Variants in TXK observed in about 807,000 individuals in gnomAD.
TXK encodes tyrosine-protein kinase TXK.
TXK carries 60 observed loss-of-function variants against 81.0 expected under a neutral mutation model. The ratio of observed to expected loss-of-function variants is 0.74; its 90% CI spans 0.60 to 0.92. The LOEUF (loss-of-function observed/expected upper bound fraction) is 0.92, where lower values mean the gene tolerates loss of function less well. TXK is among the 40% of genes least tolerant of loss of function. The probability of loss-of-function intolerance (pLI) is 0.00; values close to 1 mark genes in which losing one functional copy is unlikely to be tolerated. For missense variants in TXK, 581 were observed against 638.3 expected, an observed-to-expected ratio of 0.91 and a Z score of 0.97; for synonymous variants, 203 against 210.7, an observed-to-expected ratio of 0.96 and a Z score of 0.32.
intron 5 of TXK, 51 bp from the exon 6 acceptor site, chr4:48,105,006 G>A (rs1366162302): frequency 7.6e-7 from 1 of 1,323,848 alleles, no homozygotes; most frequent in Admixed American, 2.2e-5. Context: ...ATTTTTTTAA[G>A]AAAAAAGTGC....
chr4:48,069,326 C>CT (rs376924565), intron 14 of TXK, among the ~76,000 whole-genome samples: 89 of 95,862 alleles, frequency 9.3e-4, no homozygotes, highest in African/African-American at 2.7e-3. Flanking sequence ...CTTTTCTTTT[C>CT]TTTTTTTTTT....
intron 14 of TXK, among the ~76,000 whole-genome samples, chr4:48,068,735 G>A (rs1348979262): frequency 6.6e-6 from 1 of 152,146 alleles, no homozygotes; most frequent in Non-Finnish European, 1.5e-5. Context: ...TTAAAACCAT[G>A]GGAAACAGAG....
Position 48,076,338 on chromosome 4 carries a change from T to C in TXK, c.1238+64A>G, listed in dbSNP as rs546194811. 176 of 1,221,430 alleles carry C rather than the reference T, an allele frequency of 1.4e-4. 1 individual carries two copies. The highest frequency in any genetic ancestry group is 1.4e-5 in the Non-Finnish European group (12 of 864,294). 75.7% of individuals were successfully genotyped at this position (1,221,430 alleles called of 1,614,324 possible). ...CATCTTCAGTTTATCAGTAAACAAA[T>C]GTAAGATTCCCTCTTATGAGTAAAC... On this transcript the variant is annotated intron_variant, in intron 12 of 14. Coordinates refer to ENST00000264316, the MANE Select transcript of TXK (RefSeq NM_003328.3).
intron 10 of TXK, among the ~76,000 whole-genome samples, chr4:48,080,997 T>A (rs146300351): frequency 6.3e-4 from 96 of 152,206 alleles, no homozygotes; most frequent in Middle Eastern, 3.4e-3. Context: ...ACACAATGTA[T>A]ATGAACGATT....
chr4:48,086,532 G>C lies in TXK; in HGVS notation c.890C>G (p.Ala297Gly). 6.2e-7 allele frequency: 1 copy of C among 1,614,090 alleles called. No individual in the cohort carries two copies. Among genetic ancestry groups the C allele is most frequent in the Non-Finnish European group, 8.5e-7 (1 of 1,179,986 alleles). ...GGAGCCTTCATTGATGGCCTTGATA[G>C]CTACCTGGATATGTGACCGCCATTC... Reference protein sequence around the residue: ...LGEWRSHIQVAIKAINEGSMS... With the variant: ...LGEWRSHIQVGIKAINEGSMS... Residue 297 changes from alanine to glycine, a missense_variant, in exon 10 of 15, where the codon GCT becomes GGT. By Grantham distance (60) the Ala-to-Gly change is moderately conservative. Coordinates refer to ENST00000264316, the MANE Select transcript of TXK (RefSeq NM_003328.3).
chr4:48,077,612 A>C (rs1717122544), intron 11 of TXK, among the ~76,000 whole-genome samples: 1 of 152,198 alleles, frequency 6.6e-6, no homozygotes, highest in African/African-American at 2.4e-5. Context: ...CGGAAAGACA[A>C]ACCTGCAGAG....
rs563991932 is a variant in TXK, at chr4:48,086,621, A to C, written c.801T>G (p.Asp267Glu). 7.4e-5 allele frequency: 119 copies of C among 1,613,982 alleles called. 2 individuals carry two copies. The South Asian group carries it at 1.2e-3, about 16-fold the overall frequency. The change falls in exon 10 of 15, where the codon GAT (aspartate) becomes GAG (glutamate). Residue 267 changes from aspartate (D) to glutamate (E), a missense_variant. Asp to Glu is a conservative substitution (Grantham distance 45). Transcript: ENST00000264316. ...CCTTTATAAAAGCCAACTCAGATGGATCTATCTCCCACTTTTCTGAAAAAG... is the reference window on the plus strand; with the variant it reads ...CCTTTATAAAAGCCAACTCAGATGGCTCTATCTCCCACTTTTCTGAAAAAG... ...AGFSYEKWEI[D>E]PSELAFIKEI...
chr4:48,084,629 G>C (rs1717439541), intron 10 of TXK, among the ~76,000 whole-genome samples: 1 of 152,176 alleles, frequency 6.6e-6, no homozygotes, highest in African/African-American at 2.4e-5. Context: ...GGAAGCAAAG[G>C]CAGATAGAGA....
At chr4:48,123,621 T>C (rs1006053649) in intron 1 of TXK, among the ~76,000 whole-genome samples, 1 of 152,234 alleles carries the variant, frequency 6.6e-6, no homozygotes, top group Admixed American at 6.5e-5. Flanking sequence ...ACAATGACTC[T>C]GTGAAGTAGA....
In TXK at chr4:48,112,523, C is replaced by G; in HGVS notation, c.175-11G>C. On this transcript the variant is annotated splice_polypyrimidine_tract_variant and intron_variant, in intron 3 of 14. Transcript: ENST00000264316. Reference sequence around the variant, plus strand: ...ACGGCCCGTGTTGGACTGTGAAAACCAATAAGTGAGTTGTTTTACTATCAT... The same window carrying G: ...ACGGCCCGTGTTGGACTGTGAAAACGAATAAGTGAGTTGTTTTACTATCAT... 1 of 1,589,670 alleles carries G rather than the reference C, an allele frequency of 6.3e-7. No homozygotes were observed. Among genetic ancestry groups the G allele is most frequent in the Non-Finnish European group, 8.6e-7 (1 of 1,169,418 alleles).
At chr4:48,114,263 G>T in intron 2 of TXK, 85 bp downstream of exon 2, 1 of 1,374,772 alleles carries the variant, frequency 7.3e-7, no homozygotes, top group Non-Finnish European at 1.0e-6. Context: ...AGAACAGCGG[G>T]TGCAAAGAGA....
Position 48,089,795 on chromosome 4 carries a change from C to G in TXK, c.739G>C (p.Gly247Arg), listed in dbSNP as rs552177311. Residue 247 changes from glycine (G) to arginine (R), a missense_variant, in exon 9 of 15, where the codon GGG becomes CGG. Gly to Arg is a moderately radical substitution (Grantham distance 125). Transcript: ENST00000264316. ...GCTGGTAAACAACTGCCCATCAGCC[C>G]AACTGGATATCGGAGACGAGTCATG... ...GLMTRLRYPV[G>R]LMGSCLPATA... is the part of the protein sequence containing the mutation. 69 of 1,613,472 alleles carry G rather than the reference C, an allele frequency of 4.3e-5. 2 individuals are homozygous for G. In the South Asian group the frequency reaches 7.5e-4, roughly 17 times the overall value.
chr4:48,131,642 T>C (rs940680931), intron 1 of TXK, among the ~76,000 whole-genome samples: 1 of 152,174 alleles, frequency 6.6e-6, no homozygotes, highest in Non-Finnish European at 1.5e-5. Flanking sequence ...CGAGATTTCA[T>C]CAAATCCATG....
chr4:48,083,658 T>C (rs1717395102), intron 10 of TXK, among the ~76,000 whole-genome samples: 2 of 152,224 alleles, frequency 1.3e-5, no homozygotes, highest in South Asian at 4.1e-4. Flanking sequence ...TGAGGATTCA[T>C]TAATTCATTC....
chr4:48,125,388 T>C (rs1363923008), intron 1 of TXK, among the ~76,000 whole-genome samples: 2 of 152,226 alleles, frequency 1.3e-5, no homozygotes, highest in Non-Finnish European at 2.9e-5. Flanking sequence ...GGTAACCAAA[T>C]AGGAGCAGGT....
chr4:48,120,341 T>G (rs948589792), intron 1 of TXK, among the ~76,000 whole-genome samples: 1 of 149,982 alleles, frequency 6.7e-6, no homozygotes, highest in Non-Finnish European at 1.5e-5. Context: ...TATATACACA[T>G]ATATACGTAT....
intron 1 of TXK, among the ~76,000 whole-genome samples, chr4:48,133,767 A>G (rs1022592210): frequency 6.6e-6 from 1 of 152,278 alleles, no homozygotes; most frequent in Non-Finnish European, 1.5e-5. Context: ...TTATATATAT[A>G]TAAAGTTGCC....
chr4:48,127,825 T>C (rs769709253), intron 1 of TXK, among the ~76,000 whole-genome samples: 2 of 152,146 alleles, frequency 1.3e-5, no homozygotes, highest in African/African-American at 2.4e-5. Context: ...ATCTTTGGTA[T>C]TTGTGTTTTT....
chr4:48,111,588 A>C (rs1169963759), intron 4 of TXK, among the ~76,000 whole-genome samples: 3 of 152,240 alleles, frequency 2.0e-5, no homozygotes, highest in Non-Finnish European at 4.4e-5. Flanking sequence ...TTCCACTGAA[A>C]AGTCTCCACC....
Sources: gnomAD v4.1 joint callset for allele counts (sites outside exome capture counted in the v4.1 genomes callset) on GRCh38, gnomAD v4.1.1 for gene constraint, MANE v1.5 for transcripts, NCBI Gene and HGNC (gene_info 2026-07-23, HGNC 2026-07-21) for gene names.